ANKS6: variants seen among roughly 807,000 people sequenced by gnomAD.
The protein encoded by ANKS6 is ankyrin repeat and SAM domain-containing protein 6.
In ANKS6, 47 loss-of-function variants were observed where a neutral mutation model predicts 77.9. The ratio of observed to expected loss-of-function variants is 0.60; its 90% CI spans 0.48 to 0.77. The LOEUF is 0.77. Among genes scored for constraint, ANKS6 ranks in the 30% least tolerant of loss-of-function variants. The probability of loss-of-function intolerance (pLI) is 0.00; values close to 1 mark genes in which losing one functional copy is unlikely to be tolerated. For missense variants in ANKS6, 1,150 were observed against 1,159.1 expected, an observed-to-expected ratio of 0.99 and a Z score of 0.11; for synonymous variants, 488 against 501.7, an observed-to-expected ratio of 0.97 and a Z score of 0.37.
At position 98,796,115 on chromosome 9, in the gene ANKS6, C is replaced by T. The variant is rs555599949; in HGVS notation, c.359+18G>A. The stretch of plus-strand genomic sequence containing the variant: ...GGGCACCACTCTGGTCCCGGGCCCC[C>T]GGGCCCCGCCGCCTCACCTGGCCGC... On this transcript the variant is annotated intron_variant, in intron 1 of 14. Coordinates refer to ENST00000353234, the MANE Select transcript of ANKS6 (RefSeq NM_173551.5). 9.7e-6 allele frequency: 13 copies of T among 1,335,928 alleles called. No individual in the cohort carries two copies. In the Admixed American group the frequency reaches 1.1e-4, roughly 11 times the overall value. 82.8% of individuals were successfully genotyped at this position (1,335,928 alleles called of 1,614,324 possible). A position where few individuals can be genotyped will look rare whatever the true frequency, so the allele number is the denominator to read the frequency against.
At chr9:98,750,179 G>T (rs575118141) in intron 13 of ANKS6, among the ~76,000 whole-genome samples, 1 of 152,054 alleles carries the variant, frequency 6.6e-6, no homozygotes, top group Non-Finnish European at 1.5e-5. Context: ...CATTCTACCC[G>T]CCTACTCCTC....
At position 98,780,289 on chromosome 9, in the gene ANKS6, T is replaced by C. The variant is rs999922546; in HGVS notation, c.1268A>G (p.Lys423Arg). 2.5e-6 allele frequency: 4 copies of C among 1,610,418 alleles called. No individual in the cohort carries two copies. The African/African-American group carries it at 5.3e-5, about 21-fold the overall frequency. The change falls in exon 6 of 15, where the codon AAA becomes AGA. Residue 423 changes from lysine (K) to arginine (R), a missense_variant. Lys to Arg is a conservative substitution (Grantham distance 26, BLOSUM62 2). Coordinates refer to ENST00000353234, the MANE Select transcript of ANKS6 (RefSeq NM_173551.5). ...CTGGTGGCTCGGCCGGCCTTTGTCT[T>C]TATTCACCTGCATGCAGACAGATGC... ...LLASVCMQVN[K>R]DKGRPSHQPP... is the part of the protein sequence containing the mutation.
intron 9 of ANKS6, among the ~76,000 whole-genome samples, chr9:98,772,587 G>A (rs1833701054): frequency 6.6e-6 from 1 of 152,036 alleles, no homozygotes; most frequent in South Asian, 2.1e-4. Context: ...CAGATCCCAG[G>A]GCCCTGGCCC....
At chr9:98,748,486 A>G (rs924115219) in intron 13 of ANKS6, among the ~76,000 whole-genome samples, 4 of 152,154 alleles carry the variant, frequency 2.6e-5, no homozygotes, top group African/African-American at 9.7e-5. Flanking sequence ...GCAGTTAAGT[A>G]TTGTCAGGTG....
In ANKS6 at chr9:98,734,710, T is replaced by A. The variant is rs1476652427; in HGVS notation, c.*1809A>T. Reference sequence around the variant, plus strand: ...CGTTTCCCGAATGTGCAAGATGAGGTTACACAATGCCACCTCCAGGGTGGC... The same window carrying A: ...CGTTTCCCGAATGTGCAAGATGAGGATACACAATGCCACCTCCAGGGTGGC... On this transcript the variant is annotated 3_prime_UTR_variant, in exon 15 of 15. Transcript: ENST00000353234. 1.5e-5 allele frequency: 14 copies of A among 944,178 alleles called. No individual in the cohort carries two copies. Among genetic ancestry groups the A allele is most frequent in the South Asian group, 9.8e-5 (2 of 20,468 alleles). The allele number at this position is 944,178 out of a possible 1,614,324, so 58.5% of individuals were successfully genotyped here. A position where few individuals can be genotyped will look rare whatever the true frequency, so the allele number is the denominator to read the frequency against.
intron 11 of ANKS6, among the ~76,000 whole-genome samples, chr9:98,767,513 T>C (rs1332066667): frequency 1.3e-5 from 2 of 152,168 alleles, no homozygotes; most frequent in Non-Finnish European, 2.9e-5. Context: ...CCTGTGTCCT[T>C]AGAGCGGTTG....
chr9:98,772,217 G>A (rs1404228510), intron 9 of ANKS6, among the ~76,000 whole-genome samples: 2 of 152,208 alleles, frequency 1.3e-5, no homozygotes, highest in African/African-American at 4.8e-5. Context: ...ATCCAGGTGG[G>A]CTCTAAATGC....
At chr9:98,787,886 G>A (rs571961332) in intron 2 of ANKS6, among the ~76,000 whole-genome samples, 4 of 152,318 alleles carry the variant, frequency 2.6e-5, no homozygotes, top group African/African-American at 9.6e-5. Context: ...GTCAAATAAC[G>A]CCGACAACAC....
rs773125644 is a variant in ANKS6 at position 98,778,360 on chromosome 9, C to T, written c.1433G>A (p.Gly478Glu). The change falls in exon 7 of 15, where the codon GGG (glycine) becomes GAG (glutamate). Residue 478 changes from glycine (G) to glutamate (E), a missense_variant. Coordinates refer to ENST00000353234, the MANE Select transcript of ANKS6 (RefSeq NM_173551.5). ...AGGCAAAGGCTGGTTGCTGGACAGC[C>T]CACGGGGCAGCGTCTGCATCAGTTT... The part of the protein sequence containing the change: ...KLKLMQTLPR[G>E]LSSNQPLPFS... The T allele has an allele frequency of 1.2e-5, 20 of 1,614,012 alleles. No individual in the cohort carries two copies. Among genetic ancestry groups the T allele is most frequent in the Middle Eastern group, 1.6e-4 (1 of 6,084 alleles).
rs1353066779 is a variant in ANKS6 at position 98,735,505 on chromosome 9, C to T, written c.*1014G>A. On this transcript the variant is annotated 3_prime_UTR_variant, in exon 15 of 15. Coordinates refer to ENST00000353234, the MANE Select transcript of ANKS6 (RefSeq NM_173551.5). ...CAAGCCAATTCCCTTTTGAGGAACA[C>T]AGCATTAATAGGATGTAGACAAAAT... 30 of 1,228,382 alleles carry T rather than the reference C, an allele frequency of 2.4e-5. No homozygotes were observed. The highest frequency in any genetic ancestry group is 6.2e-4 in the Middle Eastern group (2 of 3,218). 76.1% of individuals were successfully genotyped at this position (1,228,382 alleles called of 1,614,324 possible). A position where few individuals can be genotyped will look rare whatever the true frequency, so the allele number is the denominator to read the frequency against.
chr9:98,784,389 G>C (rs1393919458), intron 3 of ANKS6: 20 of 457,004 alleles, frequency 4.4e-5, no homozygotes, highest in South Asian at 1.0e-4. Flanking sequence ...CCAAAAGACA[G>C]AAGTGTTGTT....
At chr9:98,771,807 G>C (rs1833649198) in intron 9 of ANKS6, among the ~76,000 whole-genome samples, 1 of 152,062 alleles carries the variant, frequency 6.6e-6, no homozygotes, top group African/African-American at 2.4e-5. Flanking sequence ...TCTGGTCTAG[G>C]GTGGGCTCCC....
chr9:98,777,934 A>G (rs1452635605), intron 7 of ANKS6, among the ~76,000 whole-genome samples: 1 of 152,206 alleles, frequency 6.6e-6, no homozygotes, highest in Non-Finnish European at 1.5e-5. Flanking sequence ...AGAGGTGGGG[A>G]AAACCACCTA....
At chr9:98,790,681 C>T in intron 1 of ANKS6, 75 bp from the exon 2 acceptor site, 2 of 1,525,802 alleles carry the variant, frequency 1.3e-6, no homozygotes. Flanking sequence ...CCTTAATTGG[C>T]ATGAATTATT....
chr9:98,765,662 T>C (rs941131462), intron 11 of ANKS6, among the ~76,000 whole-genome samples: 4 of 152,152 alleles, frequency 2.6e-5, no homozygotes, highest in African/African-American at 9.7e-5. Flanking sequence ...AAGGTAGGAA[T>C]AGAAAGCTGA....
At chr9:98,749,466 C>T (rs944046322) in intron 13 of ANKS6, among the ~76,000 whole-genome samples, 4 of 152,198 alleles carry the variant, frequency 2.6e-5, no homozygotes, top group African/African-American at 4.8e-5. Flanking sequence ...CCGTTCCCTA[C>T]GCTGGACAAC....
At chr9:98,743,669 T>G (rs1455860046) in intron 14 of ANKS6, among the ~76,000 whole-genome samples, 1 of 152,180 alleles carries the variant, frequency 6.6e-6, no homozygotes. Context: ...CCTGGGTGAA[T>G]TCCTCAACTT....
rs749045881 is a variant in ANKS6, at chr9:98,780,150, C to T, written c.1368+39G>A. ...CAGGCTCCCCGCCAGCCCCCATCTC[C>T]CTAGCCCCCAAGCCCCTTTAAGACA... is the stretch of plus-strand genomic sequence containing the variant. On this transcript the variant is annotated intron_variant, in intron 6 of 14. Transcript: ENST00000353234. 7 of 1,609,952 alleles carry T rather than the reference C, an allele frequency of 4.3e-6. No homozygotes were observed. The East Asian group carries it at 6.7e-5, about 15-fold the overall frequency.
intron 9 of ANKS6, 79 bp downstream of exon 9, chr9:98,773,798 G>A (rs568728296): frequency 6.1e-6 from 8 of 1,307,208 alleles, no homozygotes; most frequent in Non-Finnish European, 7.9e-6. Flanking sequence ...TCGTCGGTTT[G>A]AGGTCCCGCT....
Sources: allele counts gnomAD v4.1 joint callset (sites outside exome capture counted in the v4.1 genomes callset), GRCh38; gene constraint gnomAD v4.1.1; transcripts MANE v1.5; gene names NCBI Gene and HGNC (gene_info 2026-07-23, HGNC 2026-07-21).